The following TBC1D20 variants were observed in gnomAD, a reference collection of about 807,000 sequenced individuals.
The protein encoded by TBC1D20 is chromosome 20 open reading frame 140.
Under a neutral mutation model 41.6 loss-of-function variants are expected in TBC1D20, and 12 were observed. The observed-to-expected ratio is 0.29, with a 90% confidence interval of 0.18 to 0.47. TBC1D20 has a LOEUF of 0.47. TBC1D20 is among the 20% of genes least tolerant of loss of function. TBC1D20 has a pLI of 1.00. For missense variants in TBC1D20, 421 were observed against 517.4 expected, an observed-to-expected ratio of 0.81 and a Z score of 1.81; for synonymous variants, 205 against 204.8, an observed-to-expected ratio of 1.00 and a Z score of -0.01.
rs2017366879 is a variant in TBC1D20, at chr20:447,929, C to T, written c.216G>A (p.Lys72=). ...TDEIRRKVWP[K]LLNVNANDPP... ...GGTCATTGGCATTGACATTGAGGAG[C>T]TTGGGCCACACTTTTCGTCTGATCT... The change falls in exon 2 of 8, where the codon AAG becomes AAA. Residue 72 remains lysine (K), a synonymous_variant. Coordinates refer to ENST00000354200, the MANE Select transcript of TBC1D20 (RefSeq NM_144628.4). 1 of 1,613,946 alleles carries T rather than the reference C, an allele frequency of 6.2e-7. No homozygotes were observed. Among genetic ancestry groups the T allele is most frequent in the Non-Finnish European group, 8.5e-7 (1 of 1,179,966 alleles).
At position 439,892 on chromosome 20, in the gene TBC1D20, C is replaced by T. The variant is rs2017192668; in HGVS notation, c.768+356G>A. ...CACCAGATCTCTTCTTTTCTTAAAT[C>T]TGGAGTTGACAGCTTACGCTACTAT... On this transcript the variant is annotated intron_variant, in intron 6 of 7. Coordinates refer to ENST00000354200, the MANE Select transcript of TBC1D20 (RefSeq NM_144628.4). This position sits in a 1 kb window ranked among gnomAD's most constrained non-coding sequence, Gnocchi z 4.6. Among the ~76,000 whole-genome samples the T allele has an allele frequency of 1.3e-5, 2 of 152,190 alleles. No homozygotes were observed. Among genetic ancestry groups the T allele is most frequent in the Admixed American group, 6.5e-5 (1 of 15,286 alleles).
rs371087819 is a variant in TBC1D20, at chr20:441,931, C to T, written c.450G>A (p.Val150=). The T allele has an allele frequency of 6.2e-7, 1 of 1,613,988 alleles. No homozygotes were observed. Among genetic ancestry groups the T allele is most frequent in the African/African-American group, 1.3e-5 (1 of 74,952 alleles). Residue 150 remains valine (V), a synonymous_variant, in exon 4 of 8, where the codon GTG becomes GTA. Coordinates refer to ENST00000354200, the MANE Select transcript of TBC1D20 (RefSeq NM_144628.4). ...CGCCTACCACCAGCAGAAATGTGAC[C>T]ACAATGTCATGGTAGCCCTGGTAGT... ...LHYYQGYHDI[V]VTFLLVVGER... is the part of the protein sequence containing the mutation.
intron 2 of TBC1D20, among the ~76,000 whole-genome samples, chr20:447,524 A>C (rs2017359111): frequency 6.6e-6 from 1 of 151,840 alleles, no homozygotes; most frequent in African/African-American, 2.4e-5. Flanking sequence ...CAGGCATGGT[A>C]GCGCATGTCT....
chr20:461,002 C>G (rs1176785018), intron 1 of TBC1D20, among the ~76,000 whole-genome samples: 1 of 152,240 alleles, frequency 6.6e-6, no homozygotes, highest in East Asian at 1.9e-4. Context: ...GTTCAGAGCT[C>G]CACTTCCATT....
intron 1 of TBC1D20, among the ~76,000 whole-genome samples, chr20:459,225 G>A (rs1017046882): frequency 6.6e-6 from 1 of 152,120 alleles, no homozygotes; most frequent in Admixed American, 6.6e-5. Context: ...GGGATGTTCA[G>A]GAAAAGATTA....
intron 1 of TBC1D20, among the ~76,000 whole-genome samples, chr20:455,221 T>C (rs1029361899): frequency 6.6e-6 from 1 of 152,220 alleles, no homozygotes; most frequent in Admixed American, 6.5e-5. Flanking sequence ...TCCTGGTTTA[T>C]ACCTAGAGTC....
rs2017239929 is a variant in TBC1D20 at position 441,955 on chromosome 20, G to T, written c.426C>A (p.Tyr142Ter). Reference protein sequence around the residue: ...LILERNPQLHYYQGYHDIVVT... With the variant: ...LILERNPQLH Reference sequence around the variant, plus strand: ...CCACAATGTCATGGTAGCCCTGGTAGTAGTGCAGCTGAGGGTTGCGCTCCA... The same window carrying T: ...CCACAATGTCATGGTAGCCCTGGTATTAGTGCAGCTGAGGGTTGCGCTCCA... The change falls in exon 4 of 8, where the codon TAC becomes TAA. Residue 142 changes from tyrosine to a stop codon, truncating the protein, a stop_gained. Transcript: ENST00000354200. LOFTEE classifies it high-confidence loss of function. 6.2e-7 allele frequency: 1 copy of T among 1,614,038 alleles called. No individual in the cohort carries two copies. The highest frequency in any genetic ancestry group is 8.5e-7 in the Non-Finnish European group (1 of 1,180,028).
chr20:462,177 A>C (rs1355972222), intron 1 of TBC1D20, among the ~76,000 whole-genome samples, 159 bp downstream of exon 1: 1 of 150,820 alleles, frequency 6.6e-6, no homozygotes, highest in East Asian at 2.0e-4. Flanking sequence ...TCCTCATCAG[A>C]CGTGCCCTGG....
At position 436,958 on chromosome 20, in the gene TBC1D20, C is replaced by T. The variant is rs559394249; in HGVS notation, c.*1628G>A. 3 of 152,114 alleles carry T rather than the reference C, an allele frequency of 2.0e-5. No individual in the cohort carries two copies. Among genetic ancestry groups the T allele is most frequent in the East Asian group, 3.9e-4 (2 of 5,172 alleles). The allele number at this position is 152,114 out of a possible 1,614,324, so 9.4% of individuals were successfully genotyped here. On this transcript the variant is annotated 3_prime_UTR_variant, in exon 8 of 8. Transcript: ENST00000354200. ...CGAAACCCCATCTCTACTAAAAATACAAAAATTAGTCAGGCGTGGTAGCAG... is the reference window on the plus strand; with the variant it reads ...CGAAACCCCATCTCTACTAAAAATATAAAAATTAGTCAGGCGTGGTAGCAG...
chr20:439,257 G>C lies in TBC1D20; in HGVS notation c.807C>G (p.Asp269Glu). The change falls in exon 7 of 8, where the codon GAC becomes GAG. Residue 269 changes from aspartate (D) to glutamate (E), a missense_variant. Around this residue, in one of 3 missense-constraint regions of TBC1D20, gnomAD observed 161 missense variants for 182.7 expected, o/e 0.88. Transcript: ENST00000354200. The surrounding 1 kb of genome is among the most constrained non-coding windows in gnomAD (Gnocchi z 4.6). ...GGTGGTGGACCGAGGCCATGTCACA[G>C]TCACAGTCCAGGACTTCCTGCTCGC... ...LYREQEVLDC[D>E]CDMASVHHLL... 6.2e-7 allele frequency: 1 copy of C among 1,613,898 alleles called. No individual in the cohort carries two copies. The highest frequency in any genetic ancestry group is 8.5e-7 in the Non-Finnish European group (1 of 1,179,862).
At position 445,120 on chromosome 20, in the gene TBC1D20, T is replaced by G. The variant is rs1456399178; in HGVS notation, c.267A>C (p.Leu89=). 1 of 1,597,306 alleles carries G rather than the reference T, an allele frequency of 6.3e-7. No homozygotes were observed. Among genetic ancestry groups the G allele is most frequent in the Admixed American group, 1.7e-5 (1 of 58,994 alleles). Residue 89 remains leucine, a synonymous_variant, in exon 3 of 8, where the codon CTA becomes CTC. Coordinates refer to ENST00000354200, the MANE Select transcript of TBC1D20 (RefSeq NM_144628.4). The part of the protein sequence containing the change: ...NDPPPISGKN[L]RQMSKDYQQV... ...GTTGGTAGTCCTTGCTCATCTGCCG[T>G]AGGTTCTTCCCTATTGAAGGAAAAG...
At chr20:455,876 G>A (rs1234079719) in intron 1 of TBC1D20, among the ~76,000 whole-genome samples, 1 of 152,140 alleles carries the variant, frequency 6.6e-6, no homozygotes, top group Admixed American at 6.5e-5. Flanking sequence ...AGGTTACAGT[G>A]AGCTGAGATC....
At chr20:444,004 A>G (rs963148432) in intron 3 of TBC1D20, among the ~76,000 whole-genome samples, 1 of 151,790 alleles carries the variant, frequency 6.6e-6, no homozygotes, top group African/African-American at 2.4e-5. Flanking sequence ...GGTGGCGGGC[A>G]CCTGTAATCC....
At chr20:449,102 C>T (rs2017393729) in intron 1 of TBC1D20, among the ~76,000 whole-genome samples, 1 of 149,828 alleles carries the variant, frequency 6.7e-6, no homozygotes, top group South Asian at 2.1e-4. Context: ...GCCTCGGTCT[C>T]CCAAAGTGCT....
chr20:456,303 T>C (rs1296182429), intron 1 of TBC1D20, among the ~76,000 whole-genome samples: 2 of 152,002 alleles, frequency 1.3e-5, no homozygotes, highest in South Asian at 2.1e-4. Context: ...CAATTGTTCA[T>C]GAGATGTGTC....
Position 441,696 on chromosome 20 carries a change from G to A in TBC1D20, c.525-7C>T. ...TGTTGGATCCATAAAATCCCTGGAG[G>A]GAGACAATTCAATAAGCCTGGTTAC... On this transcript the variant is annotated splice_region_variant and splice_polypyrimidine_tract_variant and intron_variant, in intron 4 of 7. Coordinates refer to ENST00000354200, the MANE Select transcript of TBC1D20 (RefSeq NM_144628.4). 6.2e-7 allele frequency: 1 copy of A among 1,613,348 alleles called. No individual in the cohort carries two copies. Among genetic ancestry groups the A allele is most frequent in the African/African-American group, 1.3e-5 (1 of 74,998 alleles).
At chr20:441,781 GA>G in intron 4 of TBC1D20, 75 bp downstream of exon 4, 1 of 1,594,974 alleles carries the variant, frequency 6.3e-7, no homozygotes, top group Non-Finnish European at 8.6e-7. Flanking sequence ...AAGCTGACCA[GA>G]AAACAGGCCA....
chr20:459,478 A>G (rs569362481), intron 1 of TBC1D20, among the ~76,000 whole-genome samples: 1 of 152,306 alleles, frequency 6.6e-6, no homozygotes, highest in South Asian at 2.1e-4. Context: ...CCTTTATAGT[A>G]GAGGTCTTGG....
rs2017174508 is a variant in TBC1D20, at chr20:439,046, CT to C, written c.956+61del. 1.3e-6 allele frequency: 2 copies of C among 1,553,274 alleles called. No individual in the cohort carries two copies. The highest frequency in any genetic ancestry group is 1.7e-6 in the Non-Finnish European group (2 of 1,146,966). The stretch of plus-strand genomic sequence containing the variant: ...CAACCCTATCCCACCAGACACAAAC[CT>C]TCCCTCGCTTCTGCTCATTTACAGC... On this transcript the variant is annotated intron_variant, in intron 7 of 7. Transcript: ENST00000354200. The surrounding 1 kb of genome is among the most constrained non-coding windows in gnomAD (Gnocchi z 4.6).
Sources: gnomAD v4.1 joint callset for allele counts (sites outside exome capture counted in the v4.1 genomes callset) on GRCh38, gnomAD v4.1.1 for gene constraint, gnomAD v4.1.1 regional missense constraint, Gnocchi (gnomAD v3.1) non-coding constraint, MANE v1.5 for transcripts, NCBI Gene and HGNC (gene_info 2026-07-23, HGNC 2026-07-21) for gene names.